The following ADORA2B variants were observed in gnomAD, a reference collection of about 807,000 sequenced individuals.
ADORA2B encodes the protein adenosine A2b receptor.
A neutral mutation model predicts 20.8 loss-of-function variants in ADORA2B; 18 were observed. The observed-to-expected ratio is 0.87, with a 90% CI of 0.60 to 1.29. The LOEUF (loss-of-function observed/expected upper bound fraction) is 1.29, where lower values mean the gene tolerates loss of function less well. ADORA2B is among the 50% of genes most tolerant of loss of function. The pLI, the probability that ADORA2B is intolerant of heterozygous loss-of-function variation, is 0.00. For missense variants in ADORA2B, 441 were observed against 422.7 expected, an observed-to-expected ratio of 1.04 and a Z score of -0.38; for synonymous variants, 179 against 178.3, an observed-to-expected ratio of 1.00 and a Z score of -0.03.
At chr17:15,923,405 A>ATTT in the ADORA2B span, among the ~76,000 whole-genome samples, 1 of 120,390 alleles carries the variant, frequency 8.3e-6, no homozygotes, top group African/African-American at 3.9e-5. Context: ...ATATATATAT[A>ATTT]TATTTTTTTT....
the ADORA2B span, among the ~76,000 whole-genome samples, chr17:15,932,260 C>T: frequency 2.0e-5 from 3 of 151,586 alleles, no homozygotes; most frequent in Admixed American, 1.3e-4. Flanking sequence ...TTTGGGAGGC[C>T]GAGGTGGGAG....
chr17:15,866,748 G>GCTTCCA, the ADORA2B span, among the ~76,000 whole-genome samples: 1 of 139,268 alleles, frequency 7.2e-6, no homozygotes, highest in Non-Finnish European at 1.6e-5. Context: ...TGCCTCTGCC[G>GCTTCCA]CTGCCTCTCT....
At chr17:15,866,959 A>AC in the ADORA2B span, among the ~76,000 whole-genome samples, 1 of 152,120 alleles carries the variant, frequency 6.6e-6, no homozygotes, top group Non-Finnish European at 1.5e-5. Flanking sequence ...TGGTTTTCGT[A>AC]TTTTTTTGGT....
At chr17:15,862,921 C>T in the ADORA2B span, among the ~76,000 whole-genome samples, 1 of 151,170 alleles carries the variant, frequency 6.6e-6, no homozygotes, top group Admixed American at 6.6e-5. Flanking sequence ...TACATATTAT[C>T]ATTACTAATA....
At chr17:15,852,157 T>A in the ADORA2B span, among the ~76,000 whole-genome samples, 1 of 152,256 alleles carries the variant, frequency 6.6e-6, no homozygotes, top group African/African-American at 2.4e-5. Flanking sequence ...ATGCTATTAT[T>A]TTCTTTGAAC....
chr17:15,898,378 C>T, the ADORA2B span, among the ~76,000 whole-genome samples: 12 of 151,814 alleles, frequency 7.9e-5, no homozygotes, highest in African/African-American at 2.7e-4. Flanking sequence ...ACTGTAACCT[C>T]TGCTTTCCGG....
At chr17:15,871,960 C>T in the ADORA2B span, among the ~76,000 whole-genome samples, 2 of 152,276 alleles carry the variant, frequency 1.3e-5, no homozygotes, top group African/African-American at 4.8e-5. Flanking sequence ...GAGTAAGGCA[C>T]TGACACAGGC....
intron 1 of ADORA2B, among the ~76,000 whole-genome samples, chr17:15,956,847 G>A (rs907092840): frequency 7.2e-5 from 11 of 151,992 alleles, no homozygotes; most frequent in Admixed American, 6.6e-4. Flanking sequence ...TGTTCTACTC[G>A]CCTCGGCCTC....
upstream of ADORA2B, among the ~76,000 whole-genome samples, chr17:15,940,460 G>A (rs1969734136): frequency 6.6e-6 from 1 of 152,218 alleles, no homozygotes; most frequent in African/African-American, 2.4e-5. Context: ...ACTTCCAGAA[G>A]TGCTTGAGGG....
At chr17:15,900,849 C>T in the ADORA2B span, among the ~76,000 whole-genome samples, 2 of 152,172 alleles carry the variant, frequency 1.3e-5, no homozygotes, top group African/African-American at 4.8e-5. Context: ...TGTTCCTCCT[C>T]GGCCACCATG....
At chr17:15,873,192 C>T in the ADORA2B span, among the ~76,000 whole-genome samples, 2 of 152,130 alleles carry the variant, frequency 1.3e-5, no homozygotes, top group African/African-American at 2.4e-5. Flanking sequence ...TCTGTTTATG[C>T]GATGTCACAT....
At chr17:15,917,446 TCTC>T in the ADORA2B span, among the ~76,000 whole-genome samples, 4 of 152,246 alleles carry the variant, frequency 2.6e-5, no homozygotes, top group Non-Finnish European at 2.9e-5. Flanking sequence ...CGCAGCCAAA[TCTC>T]CTCAGGGCTG....
the ADORA2B span, among the ~76,000 whole-genome samples, chr17:15,877,658 A>C: frequency 7.9e-5 from 12 of 152,098 alleles, no homozygotes; most frequent in African/African-American, 2.4e-4. Flanking sequence ...CTTGTGCCTC[A>C]ACTGCTCAAT....
chr17:15,870,271 T>C, the ADORA2B span, among the ~76,000 whole-genome samples: 1 of 146,238 alleles, frequency 6.8e-6, no homozygotes, highest in Non-Finnish European at 1.5e-5. Context: ...TCCCATTAAC[T>C]GCAATTACTT....
At chr17:15,883,394 A>T in the ADORA2B span, among the ~76,000 whole-genome samples, 2 of 152,360 alleles carry the variant, frequency 1.3e-5, no homozygotes, top group East Asian at 3.9e-4. Flanking sequence ...CTCTCCACAT[A>T]GGCCAGGAAT....
At chr17:15,889,696 G>A in the ADORA2B span, among the ~76,000 whole-genome samples, 1 of 129,454 alleles carries the variant, frequency 7.7e-6, no homozygotes, top group Admixed American at 7.6e-5. Context: ...TCAGACGTTC[G>A]AGACCATCCT....
intron 1 of ADORA2B, among the ~76,000 whole-genome samples, chr17:15,954,550 T>C (rs887988026): frequency 6.6e-6 from 1 of 152,182 alleles, no homozygotes; most frequent in Non-Finnish European, 1.5e-5. Context: ...CTTTCCTCTT[T>C]CTAGGATTTC....
chr17:15,861,665 T>A, the ADORA2B span, among the ~76,000 whole-genome samples: 3 of 152,320 alleles, frequency 2.0e-5, no homozygotes, highest in South Asian at 6.2e-4. Context: ...AAGGAGGGCT[T>A]GGCAGAGGGC....
At chr17:15,962,399 G>T (rs983944916) in intron 1 of ADORA2B, among the ~76,000 whole-genome samples, 2 of 152,028 alleles carry the variant, frequency 1.3e-5, no homozygotes, top group African/African-American at 4.8e-5. Context: ...TTATCAGTTT[G>T]CATTCTTCTG....
Sources: allele counts gnomAD v4.1 joint callset (sites outside exome capture counted in the v4.1 genomes callset), GRCh38; gene constraint gnomAD v4.1.1; transcripts MANE v1.5; gene names NCBI Gene and HGNC (gene_info 2026-07-23, HGNC 2026-07-21).